PKIG: variants seen among roughly 807,000 people sequenced by gnomAD.
PKIG encodes cAMP-dependent protein kinase inhibitor gamma, also known as protein kinase (cAMP-dependent, catalytic) inhibitor gamma.
Under a neutral mutation model 6.8 loss-of-function variants are expected in PKIG, and 1 was observed. The observed-to-expected ratio is 0.15, with a 90% CI of 0.05 to 0.69. The LOEUF is 0.69. Among genes scored for constraint, PKIG ranks in the 30% least tolerant of loss-of-function variants. The pLI, the probability that PKIG is intolerant of heterozygous loss-of-function variation, is 0.82. For synonymous variants in PKIG, 39 were observed against 43.0 expected (o/e 0.91, Z 0.36); for missense variants, 77 against 104.0 (o/e 0.74, Z 1.13).
chr20:44,549,435 C>T (rs2064647855), intron 1 of PKIG, among the ~76,000 whole-genome samples: 1 of 152,152 alleles, frequency 6.6e-6, no homozygotes, highest in Admixed American at 6.5e-5. Context: ...TTTCGTTATA[C>T]TTTGTTGATG....
At chr20:44,584,488 CAAAAA>C (rs61654555) in intron 1 of PKIG, among the ~76,000 whole-genome samples, 1 of 64,662 alleles carries the variant, frequency 1.5e-5, no homozygotes. Context: ...AGCCAGAGTG[CAAAAA>C]AAAAAAAAAA....
chr20:44,554,842 G>A (rs1188938169), intron 1 of PKIG, among the ~76,000 whole-genome samples: 6 of 152,128 alleles, frequency 3.9e-5, no homozygotes, highest in African/African-American at 1.4e-4. Flanking sequence ...AGGGGGCGTG[G>A]GGGCACCTAC....
At chr20:44,610,462 TTCTCTCTCTCTC>T (rs146920514) in intron 2 of PKIG, among the ~76,000 whole-genome samples, 1 of 123,254 alleles carries the variant, frequency 8.1e-6, no homozygotes, top group Non-Finnish European at 1.8e-5. Context: ...GTCTCTCTCT[TTCTCTCTCTCTC>T]TCTCTCTCTC....
intron 1 of PKIG, among the ~76,000 whole-genome samples, chr20:44,532,155 G>C (rs1205759408): frequency 1.3e-5 from 2 of 152,202 alleles, no homozygotes; most frequent in East Asian, 3.9e-4. Flanking sequence ...CCCGCCCCGC[G>C]TTCAGGGAGA....
chr20:44,582,932 C>T (rs903275039), intron 1 of PKIG, among the ~76,000 whole-genome samples: 1 of 152,200 alleles, frequency 6.6e-6, no homozygotes. Flanking sequence ...TCCAGTCTCA[C>T]AAATGGGCTC....
At chr20:44,603,776 C>T (rs924248302) in intron 2 of PKIG, among the ~76,000 whole-genome samples, 4 of 152,170 alleles carry the variant, frequency 2.6e-5, no homozygotes, top group African/African-American at 9.7e-5. Flanking sequence ...AAAGCTGTCT[C>T]CCTGCTGGAG....
Position 44,539,180 on chromosome 20 carries a change from A to C in PKIG, c.-241+7202A>C, listed in dbSNP as rs928045237. ...CTGACCTCAGGTGATCTGCCCGCCC[A>C]CCTCAGCCTCCCAAAGTGTTGGGAT... On this transcript the variant is annotated intron_variant, in intron 1 of 4. Coordinates refer to the PKIG transcript ENST00000372887. 3.3e-5 allele frequency among the ~76,000 whole-genome samples: 5 copies of C among 152,070 alleles called. No individual in the cohort carries two copies. In the East Asian group the frequency reaches 9.7e-4, roughly 29 times the overall value.
chr20:44,597,637 G>T (rs1468433307), intron 2 of PKIG, among the ~76,000 whole-genome samples: 1 of 152,192 alleles, frequency 6.6e-6, no homozygotes, highest in Non-Finnish European at 1.5e-5. Context: ...TTCCATGAAG[G>T]TCTCTGGAAA....
chr20:44,563,309 A>G (rs934238483), intron 1 of PKIG, among the ~76,000 whole-genome samples: 1 of 152,176 alleles, frequency 6.6e-6, no homozygotes, highest in Admixed American at 6.5e-5. Flanking sequence ...GCAGAGCACA[A>G]TCCAATATTT....
intron 1 of PKIG, among the ~76,000 whole-genome samples, chr20:44,586,744 A>G (rs776454945): frequency 2.0e-5 from 3 of 152,108 alleles, no homozygotes; most frequent in Non-Finnish European, 2.9e-5. Context: ...TGAGCTCACT[A>G]CCTCCTGGAA....
chr20:44,602,516 T>G (rs143914711), intron 2 of PKIG, among the ~76,000 whole-genome samples: 113 of 152,272 alleles, frequency 7.4e-4, no homozygotes, highest in African/African-American at 2.6e-3. Flanking sequence ...GTACATTGAA[T>G]GAATAAATGA....
chr20:44,591,278 G>C (rs1463225664), intron 2 of PKIG, among the ~76,000 whole-genome samples: 1 of 152,196 alleles, frequency 6.6e-6, no homozygotes, highest in Non-Finnish European at 1.5e-5. Context: ...ACAGTGCAGA[G>C]GGGGTTCCCT....
At chr20:44,554,852 C>T (rs377067776) in intron 1 of PKIG, among the ~76,000 whole-genome samples, 195 of 152,258 alleles carry the variant, frequency 1.3e-3, no homozygotes, top group Middle Eastern at 6.8e-3. Context: ...GGGGCACCTA[C>T]AGAGACAGGA....
intron 2 of PKIG, among the ~76,000 whole-genome samples, chr20:44,604,767 T>C (rs1466547181): frequency 2.0e-5 from 3 of 152,196 alleles, no homozygotes; most frequent in Non-Finnish European, 4.4e-5. Flanking sequence ...GCCAGGCAGC[T>C]GGGCCAGCCC....
chr20:44,584,966 A>T (rs1012678730), intron 1 of PKIG: 4 of 152,300 alleles, frequency 2.6e-5, no homozygotes, highest in South Asian at 2.1e-4. Flanking sequence ...TCATCCCATG[A>T]AGGTGGACTG....
At position 44,596,354 on chromosome 20, in the gene PKIG, G is replaced by T. The variant is rs192690637; in HGVS notation, c.-24+6488G>T. 1.1e-4 allele frequency among the ~76,000 whole-genome samples: 16 copies of T among 152,336 alleles called. No homozygotes were observed. In the East Asian group the frequency reaches 3.1e-3, roughly 29 times the overall value. Reference sequence around the variant, plus strand: ...AGAGGAAGAGGGACTCAGGCTAAAGGGCCTACGCCCCAGGCTGCCAGGAAT... The same window carrying T: ...AGAGGAAGAGGGACTCAGGCTAAAGTGCCTACGCCCCAGGCTGCCAGGAAT... On this transcript the variant is annotated intron_variant, in intron 2 of 3. Coordinates refer to ENST00000372886, the MANE Select transcript of PKIG (RefSeq NM_001281445.2).
intron 1 of PKIG, among the ~76,000 whole-genome samples, chr20:44,552,343 T>C (rs866387826): frequency 2.0e-5 from 3 of 152,206 alleles, no homozygotes; most frequent in African/African-American, 4.8e-5. Context: ...CTTCCACATA[T>C]GTTTCAGTAG....
chr20:44,540,844 A>C (rs186634273), intron 1 of PKIG, among the ~76,000 whole-genome samples: 14 of 152,254 alleles, frequency 9.2e-5, no homozygotes, highest in African/African-American at 3.4e-4. Flanking sequence ...GGCCTCCCCA[A>C]GTACTGGGAT....
upstream of PKIG, among the ~76,000 whole-genome samples, chr20:44,579,705 T>C (rs2064930957): frequency 6.6e-6 from 1 of 152,248 alleles, no homozygotes; most frequent in South Asian, 2.1e-4. Flanking sequence ...TATGGTTCTG[T>C]CTTCCGGGAT....
Sources: allele counts gnomAD v4.1 joint callset (sites outside exome capture counted in the v4.1 genomes callset), GRCh38; gene constraint gnomAD v4.1.1; transcripts MANE v1.5; gene names NCBI Gene and HGNC (gene_info 2026-07-23, HGNC 2026-07-21).